TTC3: variants seen among roughly 807,000 people sequenced by gnomAD.
TTC3 encodes E3 ubiquitin-protein ligase TTC3.
TTC3 carries 180 observed loss-of-function variants against 249.6 expected under a neutral mutation model. The observed-to-expected ratio is 0.72, with a 90% CI of 0.64 to 0.82. The LOEUF (loss-of-function observed/expected upper bound fraction) is 0.82. TTC3 is among the 40% of genes least tolerant of loss of function. The pLI is 0.00. For missense variants in TTC3, 2,061 were observed against 2,398.4 expected (o/e 0.86, Z 2.94); for synonymous variants, 717 against 805.0 (o/e 0.89, Z 1.85).
chr21:37,159,647 T>C, intron 28 of TTC3, 52 bp from the exon 29 acceptor site: 1 of 1,571,602 alleles, frequency 6.4e-7, no homozygotes. Flanking sequence ...GTGTACTATA[T>C]GGAAATGTAA....
intron 21 of TTC3, among the ~76,000 whole-genome samples, chr21:37,145,994 C>T (rs2078951818): frequency 6.6e-6 from 1 of 152,154 alleles, no homozygotes; most frequent in African/African-American, 2.4e-5. Context: ...CTGTAGCATA[C>T]CATATGATCC....
chr21:37,090,303 GA>G lies in TTC3; in HGVS notation c.480+20del, dbSNP rs2073088003. On this transcript the variant is annotated intron_variant, in intron 6 of 45. Coordinates refer to ENST00000355666, the Ensembl canonical transcript of TTC3. ...ATAGAAAATGTAAGTGTTAAACACT[GA>G]AACTGGCACAGCCACTGTGGATGAG... 6.2e-7 allele frequency: 1 copy of G among 1,601,658 alleles called. No homozygotes were observed. Among genetic ancestry groups the G allele is most frequent in the Non-Finnish European group, 8.5e-7 (1 of 1,172,594 alleles).
At chr21:37,126,041 G>GTTTTTT (rs201506911) in intron 14 of TTC3, 39 bp from the exon 15 acceptor site, 7 of 1,262,510 alleles carry the variant, frequency 5.5e-6, no homozygotes, top group Non-Finnish European at 6.4e-6. Flanking sequence ...TGGCTGGGTT[G>GTTTTTT]TTTTTTTTTT....
chr21:37,140,680 A>G lies in TTC3; in HGVS notation c.1772+7A>G. Reference sequence around the variant, plus strand: ...TATATTTGAAAAAAAACAGGTTAGTAGAAATGACACTACTTTAAGCTCTAG... The same window carrying G: ...TATATTTGAAAAAAAACAGGTTAGTGGAAATGACACTACTTTAAGCTCTAG... On this transcript the variant is annotated splice_region_variant and intron_variant, in intron 20 of 45. Coordinates refer to ENST00000355666, the Ensembl canonical transcript of TTC3. 2 of 1,574,380 alleles carry G rather than the reference A, an allele frequency of 1.3e-6. No individual in the cohort carries two copies. The highest frequency in any genetic ancestry group is 1.7e-6 in the Non-Finnish European group (2 of 1,154,276).
chr21:37,139,507 A>G (rs975881651), intron 19 of TTC3, among the ~76,000 whole-genome samples: 1 of 152,166 alleles, frequency 6.6e-6, no homozygotes, highest in Non-Finnish European at 1.5e-5. Context: ...TTCCCTGTCT[A>G]GATGAAGGTT....
intron 18 of TTC3, among the ~76,000 whole-genome samples, chr21:37,138,011 T>C (rs1166311742): frequency 6.6e-6 from 1 of 152,174 alleles, no homozygotes; most frequent in East Asian, 1.9e-4. Flanking sequence ...CTTCTGCACA[T>C]GTATCCCAGA....
Position 37,073,481 on chromosome 21 carries a change from T to TG in TTC3, c.-12+120dup. The TG allele has an allele frequency of 1.0e-6, 1 of 986,034 alleles. No homozygotes were observed. Among genetic ancestry groups the TG allele is most frequent in the African/African-American group, 1.7e-5 (1 of 57,270 alleles). 61.1% of individuals were successfully genotyped at this position (986,034 alleles called of 1,614,324 possible). ...CCCCTCCGTGGGTGTGTGGTGAGTG[T>TG]GGGTGTGTGCGCGTCTCCTCGCGTC... On this transcript the variant is annotated intron_variant, in intron 1 of 45. Coordinates refer to ENST00000355666, the Ensembl canonical transcript of TTC3.
intron 18 of TTC3, 51 bp from the exon 19 acceptor site, chr21:37,138,583 A>T: frequency 7.6e-7 from 1 of 1,314,050 alleles, no homozygotes; most frequent in Non-Finnish European, 1.1e-6. Context: ...ACTGGATGCA[A>T]ATTGGGCAGA....
intron 7 of TTC3, among the ~76,000 whole-genome samples, chr21:37,092,680 T>G (rs1297139689): frequency 6.6e-6 from 1 of 152,222 alleles, no homozygotes; most frequent in Non-Finnish European, 1.5e-5. Context: ...ACTCTGTCCC[T>G]TAGAATTTCT....
Position 37,193,163 on chromosome 21 carries a change from C to T in TTC3, c.5217+950C>T, listed in dbSNP as rs1004957597. On this transcript the variant is annotated intron_variant, in intron 41 of 45. Transcript: ENST00000355666. Reference sequence around the variant, plus strand: ...CTTCCACCCTCCCACTACTGCCAGACCTTTGCCTGGGCTGTTCCTAGCCTG... The same window carrying T: ...CTTCCACCCTCCCACTACTGCCAGATCTTTGCCTGGGCTGTTCCTAGCCTG... Among the ~76,000 whole-genome samples, 7 of 152,184 alleles carry T rather than the reference C, an allele frequency of 4.6e-5. No homozygotes were observed. The East Asian group carries it at 1.2e-3, about 25-fold the overall frequency.
At chr21:37,180,906 G>A (rs941637345) in intron 35 of TTC3, among the ~76,000 whole-genome samples, 2 of 151,060 alleles carry the variant, frequency 1.3e-5, no homozygotes, top group African/African-American at 4.9e-5. Context: ...ATTTATTTTA[G>A]AACAACACTG....
At chr21:37,189,696 C>T (rs996701895) in intron 39 of TTC3, among the ~76,000 whole-genome samples, 2 of 151,830 alleles carry the variant, frequency 1.3e-5, no homozygotes, top group Admixed American at 1.3e-4. Flanking sequence ...TACAGGTGCC[C>T]GCCACCACTC....
Position 37,196,041 on chromosome 21 carries a change from G to A in TTC3, c.5579+5G>A. ...GGTATTCCCATGTTACAACAGGTAT[G>A]AACAGAAAATGTCTGTGACTGTGTT... On this transcript the variant is annotated splice_donor_5th_base_variant and intron_variant, in intron 42 of 45. Transcript: ENST00000355666. 1 of 1,613,606 alleles carries A rather than the reference G, an allele frequency of 6.2e-7. No homozygotes were observed. Among genetic ancestry groups the A allele is most frequent in the Non-Finnish European group, 8.5e-7 (1 of 1,179,702 alleles).
chr21:37,126,561 TG>T (rs2077057468), intron 15 of TTC3, among the ~76,000 whole-genome samples: 1 of 152,228 alleles, frequency 6.6e-6, no homozygotes, highest in Non-Finnish European at 1.5e-5. Flanking sequence ...CTGCGCTTTA[TG>T]TATAAAAGGA....
At position 37,076,244 on chromosome 21, in the gene TTC3, T is replaced by A. The variant is rs555840736; in HGVS notation, c.-12+2880T>A. Among the ~76,000 whole-genome samples the A allele has an allele frequency of 7.9e-5, 12 of 152,378 alleles. No homozygotes were observed. In the East Asian group the frequency reaches 1.9e-3, roughly 24 times the overall value. On this transcript the variant is annotated intron_variant, in intron 1 of 45. Transcript: ENST00000355666. ...TTCACTTGATGTTATGTTTCTGAGT[T>A]ACTAATATTGGGTATAGATGTAAGT...
chr21:37,195,396 G>A (rs1337041105), intron 41 of TTC3, among the ~76,000 whole-genome samples: 1 of 152,192 alleles, frequency 6.6e-6, no homozygotes, highest in East Asian at 1.9e-4. Context: ...CTGAAGGAGG[G>A]CCAGTAGGCA....
rs538577349 is a variant in TTC3, at chr21:37,157,943, G to A, written c.2992+1037G>A. On this transcript the variant is annotated intron_variant, in intron 28 of 45. Coordinates refer to ENST00000355666, the Ensembl canonical transcript of TTC3. Reference sequence around the variant, plus strand: ...TCAGAATCAGAAGTCTCCTTTATGTGTTGTTAGGAGTTAGACTTTTAAATG... The same window carrying A: ...TCAGAATCAGAAGTCTCCTTTATGTATTGTTAGGAGTTAGACTTTTAAATG... 2.6e-5 allele frequency among the ~76,000 whole-genome samples: 4 copies of A among 152,284 alleles called. No individual in the cohort carries two copies. In the South Asian group the frequency reaches 8.3e-4, roughly 32 times the overall value.
At chr21:37,177,755 TG>T (rs2082400697) in intron 35 of TTC3, among the ~76,000 whole-genome samples, 2 of 152,230 alleles carry the variant, frequency 1.3e-5, no homozygotes, top group South Asian at 4.1e-4. Flanking sequence ...TACAGGCCTT[TG>T]TTAATGCAGT....
intron 1 of TTC3, chr21:37,083,996 CATT>C (rs2072057181): frequency 1.3e-5 from 2 of 152,124 alleles, no homozygotes; most frequent in Non-Finnish European, 2.9e-5. Context: ...TAATCATGGA[CATT>C]ATCACTTAGG....
Sources: gnomAD v4.1 joint callset for allele counts (sites outside exome capture counted in the v4.1 genomes callset) on GRCh38, gnomAD v4.1.1 for gene constraint, MANE v1.5 for transcripts, NCBI Gene and HGNC (gene_info 2026-07-23, HGNC 2026-07-21) for gene names.